The following SUSD1 variants were observed in gnomAD, a reference collection of about 807,000 sequenced individuals.
SUSD1 encodes the protein sushi domain containing 1.
Under a neutral mutation model 86.9 loss-of-function variants are expected in SUSD1, and 65 were observed. The observed-to-expected ratio is 0.75, with a 90% CI of 0.61 to 0.92. The LOEUF is 0.92. SUSD1 is among the 40% of genes least tolerant of loss of function. The pLI is 0.00. For synonymous variants in SUSD1, 346 were observed against 350.0 expected, an observed-to-expected ratio of 0.99 and a Z score of 0.13; for missense variants, 850 against 929.7, an observed-to-expected ratio of 0.91 and a Z score of 1.11.
chr9:112,138,524 T>C (rs954616960), intron 5 of SUSD1, among the ~76,000 whole-genome samples: 23 of 150,590 alleles, frequency 1.5e-4, no homozygotes, highest in Non-Finnish European at 2.7e-4. Context: ...AGTGGCACAA[T>C]CTCAGCTCAC....
intron 5 of SUSD1, among the ~76,000 whole-genome samples, chr9:112,139,890 A>G (rs912127738): frequency 2.6e-5 from 4 of 152,154 alleles, no homozygotes; most frequent in African/African-American, 7.2e-5. Flanking sequence ...CACTTTTCAG[A>G]TGGAAACAGG....
intron 2 of SUSD1, among the ~76,000 whole-genome samples, chr9:112,155,764 C>G (rs1366282299): frequency 6.6e-6 from 1 of 151,256 alleles, no homozygotes; most frequent in African/African-American, 2.4e-5. Flanking sequence ...GAGCTCAAGA[C>G]CACCCCGGGC....
At chr9:112,144,416 T>C (rs1454767406) in intron 3 of SUSD1, among the ~76,000 whole-genome samples, 3 of 152,066 alleles carry the variant, frequency 2.0e-5, no homozygotes, top group African/African-American at 7.3e-5. Flanking sequence ...CCAATCACTA[T>C]AAATATACCC....
At chr9:112,065,035 T>C (rs1251486970) in intron 12 of SUSD1, among the ~76,000 whole-genome samples, 1 of 152,176 alleles carries the variant, frequency 6.6e-6, no homozygotes, top group Non-Finnish European at 1.5e-5. Flanking sequence ...ACTCATTTTA[T>C]AGATGAGGAA....
intron 10 of SUSD1, among the ~76,000 whole-genome samples, chr9:112,097,505 C>G (rs1011623007): frequency 2.1e-5 from 3 of 143,444 alleles, no homozygotes; most frequent in African/African-American, 7.7e-5. Context: ...TTCAGTGATT[C>G]TCTTGCCTCA....
chr9:112,045,263 A>G (rs945782347), intron 15 of SUSD1, among the ~76,000 whole-genome samples: 2 of 152,152 alleles, frequency 1.3e-5, no homozygotes, highest in Non-Finnish European at 2.9e-5. Flanking sequence ...TCTGACATCA[A>G]GTTTTTTTCT....
At chr9:112,118,765 G>A (rs1333028826) in intron 6 of SUSD1, among the ~76,000 whole-genome samples, 3 of 152,148 alleles carry the variant, frequency 2.0e-5, no homozygotes, top group Non-Finnish European at 4.4e-5. Context: ...GATTACAGGC[G>A]TGAGCCACCG....
chr9:112,163,978 G>A (rs1833675170), intron 1 of SUSD1, among the ~76,000 whole-genome samples: 3 of 151,102 alleles, frequency 2.0e-5, no homozygotes, highest in African/African-American at 7.3e-5. Flanking sequence ...TCCAGGCTGG[G>A]CAACAGATCA....
chr9:112,158,623 C>T (rs1225306647), intron 1 of SUSD1, among the ~76,000 whole-genome samples: 2 of 152,106 alleles, frequency 1.3e-5, no homozygotes, highest in East Asian at 3.8e-4. Context: ...AACCCCTGAG[C>T]TTGAGGGATC....
intron 8 of SUSD1, among the ~76,000 whole-genome samples, chr9:112,106,363 CCAAGAACAAAAGT>C (rs1158691535): frequency 1.3e-5 from 2 of 152,054 alleles, no homozygotes; most frequent in African/African-American, 4.8e-5. Context: ...TTCTAGAATT[CCAAGAACAAAAGT>C]TTATGACCCA....
In SUSD1 at chr9:112,098,749, A is replaced by G. The variant is rs1197425707; in HGVS notation, c.1282-87T>C. On this transcript the variant is annotated intron_variant, in intron 9 of 16. Transcript: ENST00000374270. Reference sequence around the variant, plus strand: ...CTATTAGCAAAATGGAGTTAAAACAAGAAAGTTCCTTTTATTTATCCTTGC... The same window carrying G: ...CTATTAGCAAAATGGAGTTAAAACAGGAAAGTTCCTTTTATTTATCCTTGC... 12 of 1,243,360 alleles carry G rather than the reference A, an allele frequency of 9.7e-6. No homozygotes were observed. The African/African-American group carries it at 1.8e-4, about 19-fold the overall frequency. The allele number at this position is 1,243,360 out of a possible 1,614,324, so 77.0% of individuals were successfully genotyped here. A position where few individuals can be genotyped will look rare whatever the true frequency, so the allele number is the denominator to read the frequency against.
In SUSD1 at chr9:112,111,730, G is replaced by T; in HGVS notation, c.1095C>A (p.Gly365=). The T allele has an allele frequency of 6.2e-7, 1 of 1,614,206 alleles. No homozygotes were observed. The highest frequency in any genetic ancestry group is 8.5e-7 in the Non-Finnish European group (1 of 1,180,026). The part of the protein sequence containing the change: ...TPEVCLALYP[G]TNYTVNISTA... ...TGGAGATGTTCACGGTGTAGTTGGT[G>T]CCTGGGTACAGGGCTAGGCACACTT... is the stretch of plus-strand genomic sequence containing the variant. The change falls in exon 8 of 17, where the codon GGC becomes GGA. Residue 365 remains glycine (G), a synonymous_variant. Transcript: ENST00000374270.
At chr9:112,078,809 C>CTTTTTTT in intron 11 of SUSD1, 85 bp from the exon 12 acceptor site, 2 of 829,700 alleles carry the variant, frequency 2.4e-6, no homozygotes, top group Non-Finnish European at 3.4e-6. Flanking sequence ...CTTTTTCTTT[C>CTTTTTTT]TCTTTTTTTT....
At chr9:112,154,007 A>G (rs1833181259) in intron 2 of SUSD1, among the ~76,000 whole-genome samples, 2 of 152,120 alleles carry the variant, frequency 1.3e-5, no homozygotes, top group Admixed American at 6.6e-5. Flanking sequence ...CACATAATGC[A>G]TTGTGTTATA....
chr9:112,138,257 G>GTATATACACATATATATATATATATATA (rs1564328952), intron 5 of SUSD1, among the ~76,000 whole-genome samples: 1 of 25,640 alleles, frequency 3.9e-5, no homozygotes, highest in Non-Finnish European at 7.2e-5. Flanking sequence ...ATATATATAT[G>GTATATACACATATATATATATATATATA]TGTATATACA....
chr9:112,067,060 A>G (rs1430724196), intron 12 of SUSD1, among the ~76,000 whole-genome samples: 1 of 152,176 alleles, frequency 6.6e-6, no homozygotes, highest in Non-Finnish European at 1.5e-5. Context: ...TATTTTTAGT[A>G]GAGATGGGGT....
chr9:112,114,045 C>G (rs574669341), intron 6 of SUSD1, among the ~76,000 whole-genome samples: 6 of 152,076 alleles, frequency 3.9e-5, no homozygotes, highest in Admixed American at 6.6e-5. Flanking sequence ...GAATCCACAC[C>G]AAAACAAGTA....
At chr9:112,139,506 G>A (rs935952373) in intron 5 of SUSD1, among the ~76,000 whole-genome samples, 1 of 152,050 alleles carries the variant, frequency 6.6e-6, no homozygotes, top group African/African-American at 2.4e-5. Flanking sequence ...AGGGCAGGGT[G>A]TGATCATGGC....
intron 8 of SUSD1, among the ~76,000 whole-genome samples, chr9:112,108,771 T>A: frequency 1.2e-5 from 1 of 82,542 alleles, no homozygotes; most frequent in Non-Finnish European, 2.0e-5. Context: ...GAGCTGGGTG[T>A]CTCAAAAAAA....
Sources: gnomAD v4.1 joint callset for allele counts (sites outside exome capture counted in the v4.1 genomes callset) on GRCh38, gnomAD v4.1.1 for gene constraint, MANE v1.5 for transcripts, NCBI Gene and HGNC (gene_info 2026-07-23, HGNC 2026-07-21) for gene names.